DCLRE1C: variants seen among roughly 807,000 people sequenced by gnomAD.
DCLRE1C encodes protein artemis.
DCLRE1C carries 47 observed loss-of-function variants against 61.4 expected under a neutral mutation model. The observed-to-expected ratio is 0.77, with a 90% confidence interval of 0.61 to 0.98. DCLRE1C has a LOEUF of 0.98. Among genes scored for constraint, DCLRE1C ranks in the 50% least tolerant of loss-of-function variants. DCLRE1C has a pLI of 0.00. For missense variants in DCLRE1C, 858 were observed against 816.0 expected, an observed-to-expected ratio of 1.05 and a Z score of -0.63; for synonymous variants, 337 against 287.6, an observed-to-expected ratio of 1.17 and a Z score of -1.74.
chr10:14,922,216 G>A (rs1837230303), intron 12 of DCLRE1C, among the ~76,000 whole-genome samples: 1 of 152,186 alleles, frequency 6.6e-6, no homozygotes, highest in African/African-American at 2.4e-5. Context: ...TGAGACAGGT[G>A]GATCACTTGA....
chr10:14,946,625 A>C (rs940256700), intron 2 of DCLRE1C, among the ~76,000 whole-genome samples: 2 of 151,664 alleles, frequency 1.3e-5, no homozygotes, highest in African/African-American at 4.8e-5. Context: ...CTGAGTCTCC[A>C]TTTAACAGGT....
chr10:14,928,039 G>C lies in DCLRE1C; in HGVS notation c.894C>G (p.Ser298Arg), dbSNP rs773600550. 6.2e-7 allele frequency: 1 copy of C among 1,613,632 alleles called. No individual in the cohort carries two copies. Among genetic ancestry groups the C allele is most frequent in the East Asian group, 2.2e-5 (1 of 44,818 alleles). ...ACCTCACAATTACATTTGTTTTTCT[G>C]CTCCTTTCTCCAAACCACATGGTGG... ...KPSTMWFGERSRKTNVIVRTG... is the reference protein window; with the variant it reads ...KPSTMWFGERRRKTNVIVRTG... Residue 298 changes from serine to arginine, a missense_variant, in exon 10 of 14, where the codon AGC (serine) becomes AGG (arginine). This residue lies in a region of DCLRE1C where 843 missense variants were observed against 783.5 expected (regional missense o/e 1.08). Coordinates refer to ENST00000378278, the MANE Select transcript of DCLRE1C (RefSeq NM_001033855.3).
rs770484753 is a variant in DCLRE1C at position 14,899,510 on chromosome 10, G to A, written c.1157-198C>T. The A allele has an allele frequency of 6.2e-6, 10 of 1,611,744 alleles. No individual in the cohort carries two copies. In the South Asian group the frequency reaches 6.6e-5, roughly 11 times the overall value. On this transcript the variant is annotated intron_variant, in intron 13 of 13. Transcript: ENST00000378289. ...AATGCTTCTTTGGTTCAGTAGCTAC[G>A]TAATATACTTACAGTTTTTTCTGTT...
chr10:14,934,855 T>C (rs1294893894), intron 6 of DCLRE1C, 80 bp from the exon 7 acceptor site: 5 of 987,964 alleles, frequency 5.1e-6, no homozygotes, highest in African/African-American at 3.2e-5. Flanking sequence ...TGAGATGGAG[T>C]TTCGCTCTGT....
In DCLRE1C at chr10:14,939,866, A is replaced by AT. The variant is rs1192467413; in HGVS notation, c.249dup (p.Ser84IlefsTer3). The AT allele has an allele frequency of 1.3e-6, 2 of 1,591,516 alleles. No individual in the cohort carries two copies. The highest frequency in any genetic ancestry group is 1.7e-6 in the Non-Finnish European group (2 of 1,161,746). The stretch of plus-strand genomic sequence containing the variant: ...TGGGTAGGAGTCTCGATTTCAATAG[A>AT]TATCTATAAAAATAAAATAAGAGAC... On this transcript the variant is annotated frameshift_variant, in exon 4 of 14. Transcript: ENST00000378278. LOFTEE classifies it high-confidence loss of function.
chr10:14,923,120 T>G lies in DCLRE1C; in HGVS notation c.973-51A>C, dbSNP rs1044210741. On this transcript the variant is annotated intron_variant, in intron 11 of 13. Transcript: ENST00000378278. ...CAACAATCTCTACGATGAAACAGGT[T>G]GTTAGGGGAGATAAAGGGAGGCTGG... 14 of 1,399,260 alleles carry G rather than the reference T, an allele frequency of 1.0e-5. No individual in the cohort carries two copies. In the African/African-American group the frequency reaches 1.3e-4, roughly 13 times the overall value. 86.7% of individuals were successfully genotyped at this position (1,399,260 alleles called of 1,614,324 possible).
intron 3 of DCLRE1C, among the ~76,000 whole-genome samples, chr10:14,941,290 A>G (rs1840809760): frequency 6.6e-6 from 1 of 151,988 alleles, no homozygotes; most frequent in Non-Finnish European, 1.5e-5. Context: ...TCCTTTATTT[A>G]TTTATTTATT....
intron 9 of DCLRE1C, among the ~76,000 whole-genome samples, chr10:14,931,825 G>A (rs1317238869): frequency 3.3e-5 from 5 of 152,132 alleles, no homozygotes; most frequent in African/African-American, 1.2e-4. Flanking sequence ...GATCACTTGA[G>A]ATCAGGAGTT....
exon 14 of DCLRE1C, chr10:14,898,867 T>TGAA (rs1833790214): frequency 4.7e-6 from 1 of 214,190 alleles, no homozygotes; most frequent in African/African-American, 2.3e-5. Context: ...TGCATATATA[T>TGAA]AAGTTATAGG....
intron 8 of DCLRE1C, among the ~76,000 whole-genome samples, 179 bp from the exon 9 acceptor site, chr10:14,933,134 G>C (rs1331991853): frequency 6.6e-6 from 1 of 152,230 alleles, no homozygotes; most frequent in East Asian, 1.9e-4. Flanking sequence ...ACAGGCACAA[G>C]GCTGACTGGC....
rs754384824 is a variant in DCLRE1C at position 14,905,663 on chromosome 10, C to T, written c.*2745G>A. ...ATAAATGTGGCTGACTGCTGAGTGT[C>T]TTCTGTGATACATCTTGGCATTTTG... On this transcript the variant is annotated 3_prime_UTR_variant, in exon 14 of 14. Coordinates refer to ENST00000378278, the MANE Select transcript of DCLRE1C (RefSeq NM_001033855.3). Among the ~76,000 whole-genome samples the T allele has an allele frequency of 3.1e-4, 47 of 152,336 alleles. No homozygotes were observed. Among genetic ancestry groups the T allele is most frequent in the Middle Eastern group, 3.4e-3 (1 of 294 alleles).
At chr10:14,930,078 A>AT (rs1838710478) in intron 9 of DCLRE1C, among the ~76,000 whole-genome samples, 1 of 152,146 alleles carries the variant, frequency 6.6e-6, no homozygotes, top group Non-Finnish European at 1.5e-5. Flanking sequence ...GCCCAATACT[A>AT]TGAGTCCAAC....
intron 2 of DCLRE1C, among the ~76,000 whole-genome samples, chr10:14,948,301 G>T (rs183950185): frequency 1.0e-3 from 154 of 152,280 alleles, no homozygotes; most frequent in African/African-American, 3.5e-3. Flanking sequence ...CAAGAAGACA[G>T]AGTATTGCTA....
At position 14,910,428 on chromosome 10, in the gene DCLRE1C, C is replaced by G. The variant is rs41300662; in HGVS notation, c.1157-1098G>C. On this transcript the variant is annotated intron_variant, in intron 13 of 13. Coordinates refer to ENST00000378278, the MANE Select transcript of DCLRE1C (RefSeq NM_001033855.3). ...GAGTTTTATACAGTCACAGTTCAGC[C>G]TCTACCTCTCAGGCTCAGGAGATCC... is the stretch of plus-strand genomic sequence containing the variant. Among the ~76,000 whole-genome samples the G allele has an allele frequency of 4.2e-4, 64 of 152,244 alleles. 1 individual carries two copies. In the East Asian group the frequency reaches 0.012, roughly 28 times the overall value.
intron 5 of DCLRE1C, 45 bp from the exon 6 acceptor site, chr10:14,935,609 C>T (rs747064498): frequency 6.4e-7 from 1 of 1,570,130 alleles, no homozygotes; most frequent in African/African-American, 1.4e-5. Context: ...CTCATATAAA[C>T]TCCCAATAAA....
At chr10:14,898,668 ACTT>A (rs1259958192) in exon 14 of DCLRE1C, 1 of 152,342 alleles carries the variant, frequency 6.6e-6, no homozygotes, top group Non-Finnish European at 1.5e-5. Context: ...AACATAAAGT[ACTT>A]TAGACACTTT....
intron 9 of DCLRE1C, among the ~76,000 whole-genome samples, chr10:14,932,131 G>C (rs41297972): frequency 0.046 from 7,040 of 152,196 alleles, 278 homozygotes; most frequent in Middle Eastern, 0.13. Flanking sequence ...GGCTGAGGCA[G>C]GACAATCACT....
At chr10:14,902,861 T>G (rs1834116470), downstream of DCLRE1C, 1 of 156,950 alleles carries the variant, frequency 6.4e-6, no homozygotes, top group African/African-American at 2.4e-5. Context: ...TGCTGAGAGA[T>G]CAAAGATTCA....
chr10:14,949,976 T>G lies in DCLRE1C; in HGVS notation c.110-889A>C, dbSNP rs181626027. ...AGGACAATCACTTGAACATGGGAGGTAGAGGTTGCAGTGAGCCAAGGCCAT... is the reference window on the plus strand; with the variant it reads ...AGGACAATCACTTGAACATGGGAGGGAGAGGTTGCAGTGAGCCAAGGCCAT... On this transcript the variant is annotated intron_variant, in intron 1 of 13. Transcript: ENST00000378278. 7.9e-5 allele frequency among the ~76,000 whole-genome samples: 12 copies of G among 151,806 alleles called. No individual in the cohort carries two copies. The East Asian group carries it at 2.3e-3, about 29-fold the overall frequency.
Sources: allele counts gnomAD v4.1 joint callset (sites outside exome capture counted in the v4.1 genomes callset), GRCh38; gene constraint gnomAD v4.1.1; regional missense constraint gnomAD v4.1.1; transcripts MANE v1.5; gene names NCBI Gene and HGNC (gene_info 2026-07-23, HGNC 2026-07-21).